The following PCDH15 variants were observed in gnomAD, a reference collection of about 807,000 sequenced individuals.
The protein encoded by PCDH15 is protocadherin related 15.
In PCDH15, 129 loss-of-function variants were observed where a neutral mutation model predicts 178.5. The observed-to-expected ratio is 0.72, with a 90% CI of 0.63 to 0.84. The LOEUF (loss-of-function observed/expected upper bound fraction) is 0.84, where lower values mean the gene tolerates loss of function less well. Ranked by LOEUF, PCDH15 falls within the 40% of genes least tolerant of loss-of-function variation. The pLI, the probability that PCDH15 is intolerant of heterozygous loss-of-function variation, is 0.00. For missense variants in PCDH15, 2,230 were observed against 2,099.9 expected, an observed-to-expected ratio of 1.06 and a Z score of -1.21; for synonymous variants, 800 against 732.0, an observed-to-expected ratio of 1.09 and a Z score of -1.50.
chr10:55,351,441 C>T lies in PCDH15; in HGVS notation c.-155-184790G>A, dbSNP rs565621979. On this transcript the variant is annotated intron_variant, in intron 2 of 5. Coordinates refer to the PCDH15 transcript ENST00000613346. ...AGTGGGACATAATCTGTGTTTTATG[C>T]AATTTCCATTATATCATTGTTGCTC... Among the ~76,000 whole-genome samples, 9 of 152,148 alleles carry T rather than the reference C, an allele frequency of 5.9e-5. No individual in the cohort carries two copies. In the South Asian group the frequency reaches 1.9e-3, roughly 32 times the overall value.
intron 2 of PCDH15, among the ~76,000 whole-genome samples, chr10:55,366,897 C>T (rs1319009245): frequency 2.7e-5 from 4 of 146,164 alleles, no homozygotes; most frequent in Non-Finnish European, 3.0e-5. Flanking sequence ...TGGGTGTTTG[C>T]ATGTGTGTGT....
chr10:54,651,530 C>T (rs115966569), intron 2 of PCDH15, among the ~76,000 whole-genome samples: 394 of 152,216 alleles, frequency 2.6e-3, no homozygotes, highest in African/African-American at 9.0e-3. Context: ...GCAAACTGGC[C>T]TTTAAATCCA....
intron 2 of PCDH15, among the ~76,000 whole-genome samples, chr10:55,161,460 C>T (rs2132113679): frequency 6.6e-6 from 1 of 152,180 alleles, no homozygotes; most frequent in South Asian, 2.1e-4. Context: ...AACCCAGCCA[C>T]ATATTTGTTT....
chr10:55,321,742 T>C (rs1024664485), upstream of PCDH15, among the ~76,000 whole-genome samples: 2 of 152,180 alleles, frequency 1.3e-5, no homozygotes, highest in African/African-American at 4.8e-5. Context: ...AAGAATTTCA[T>C]ATCCAGCCAA....
chr10:54,248,202 T>A (rs1204199803), intron 8 of PCDH15, among the ~76,000 whole-genome samples: 1 of 151,768 alleles, frequency 6.6e-6, no homozygotes, highest in Non-Finnish European at 1.5e-5. Context: ...CCATAGTTGA[T>A]CAAATAATTG....
chr10:54,311,262 A>T (rs2060886436), intron 8 of PCDH15, among the ~76,000 whole-genome samples: 1 of 152,106 alleles, frequency 6.6e-6, no homozygotes. Flanking sequence ...TACACAGTAA[A>T]CGCATAGAAA....
intron 3 of PCDH15, among the ~76,000 whole-genome samples, chr10:54,896,511 C>CG (rs1954547612): frequency 7.5e-5 from 5 of 66,554 alleles, no homozygotes; most frequent in East Asian, 9.3e-4. Flanking sequence ...AATTTCCCAG[C>CG]GGAAAAAAAA....
chr10:55,443,013 A>G (rs1447885238), intron 2 of PCDH15, among the ~76,000 whole-genome samples: 1 of 152,178 alleles, frequency 6.6e-6, no homozygotes, highest in East Asian at 1.9e-4. Context: ...TGGTAGTCAT[A>G]AATGAAAAGT....
Position 53,840,305 on chromosome 10 carries a change from A to T in PCDH15, c.3983+15T>A, listed in dbSNP as rs2077562633. On this transcript the variant is annotated intron_variant, in intron 29 of 37. Coordinates refer to ENST00000644397, the MANE Select transcript of PCDH15 (RefSeq NM_001384140.1). ...TGTAACCAAAGAGCTGTTACAGATA[A>T]CAAAAAGCACTTACTTAAAAAGCTC... 1 of 1,612,796 alleles carries T rather than the reference A, an allele frequency of 6.2e-7. No homozygotes were observed. The highest frequency in any genetic ancestry group is 1.3e-5 in the African/African-American group (1 of 75,030).
intron 1 of PCDH15, among the ~76,000 whole-genome samples, chr10:54,683,668 G>C (rs1429916780): frequency 6.6e-6 from 1 of 152,068 alleles, no homozygotes; most frequent in Non-Finnish European, 1.5e-5. Context: ...CCCTCTCAAA[G>C]TCAAACATTA....
At chr10:54,804,029 CT>C (rs1952733074), upstream of PCDH15, among the ~76,000 whole-genome samples, 1 of 151,788 alleles carries the variant, frequency 6.6e-6, no homozygotes, top group Non-Finnish European at 1.5e-5. Context: ...ACAAAATAAG[CT>C]GTCAAAAAAA....
At chr10:55,314,863 C>T (rs1029705337) in intron 1 of PCDH15, among the ~76,000 whole-genome samples, 7 of 152,084 alleles carry the variant, frequency 4.6e-5, no homozygotes, top group Non-Finnish European at 7.4e-5. Context: ...TCAGTGATGA[C>T]ATTCAGAGTG....
chr10:54,511,432 C>T (rs1214354513), intron 3 of PCDH15, among the ~76,000 whole-genome samples: 2 of 152,106 alleles, frequency 1.3e-5, no homozygotes, highest in African/African-American at 2.4e-5. Context: ...ATTCTTCACG[C>T]CTACCACCAG....
Position 54,714,571 on chromosome 10 carries a change from T to G in PCDH15, c.-28-50281A>C, listed in dbSNP as rs116289030. Among the ~76,000 whole-genome samples the G allele has an allele frequency of 4.3e-3, 658 of 152,266 alleles. 3 individuals are homozygous for G. The highest frequency in any genetic ancestry group is 0.015 in the African/African-American group (619 of 41,564). The stretch of plus-strand genomic sequence containing the variant: ...TAACTTTCAAAAAGATCCATTTGAT[T>G]CAATTTTTCTAAAGTACATAATAAA... On this transcript the variant is annotated intron_variant, in intron 1 of 37. Transcript: ENST00000644397.
At chr10:54,069,489 T>A (rs993087494) in intron 17 of PCDH15, among the ~76,000 whole-genome samples, 10 of 152,324 alleles carry the variant, frequency 6.6e-5, no homozygotes, top group African/African-American at 1.7e-4. Context: ...CTGAATTTTA[T>A]ATGACATGAA....
At chr10:55,396,112 T>A (rs1837923185) in intron 2 of PCDH15, among the ~76,000 whole-genome samples, 1 of 152,220 alleles carries the variant, frequency 6.6e-6, no homozygotes, top group African/African-American at 2.4e-5. Flanking sequence ...ATGTCTTTGG[T>A]ACTTAGCATA....
intron 13 of PCDH15, among the ~76,000 whole-genome samples, chr10:54,176,972 G>A (rs761451962): frequency 2.5e-4 from 38 of 151,130 alleles, no homozygotes; most frequent in Non-Finnish European, 4.6e-4. Flanking sequence ...AAAAAACTTA[G>A]CATGGATGAT....
intron 1 of PCDH15, among the ~76,000 whole-genome samples, chr10:54,796,319 T>TATCTATCTATCTATC (rs1564483816): frequency 1.4e-5 from 2 of 148,032 alleles, no homozygotes; most frequent in Admixed American, 6.7e-5. Flanking sequence ...TCTATCTATC[T>TATCTATCTATCTATC]ATCATCATCA....
intron 3 of PCDH15, among the ~76,000 whole-genome samples, chr10:54,821,688 G>A (rs1029680175): frequency 4.0e-5 from 6 of 151,876 alleles, no homozygotes; most frequent in African/African-American, 9.7e-5. Flanking sequence ...AAAGTAATCC[G>A]GTCTTCTGGC....
Sources: gnomAD v4.1 joint callset for allele counts (sites outside exome capture counted in the v4.1 genomes callset) on GRCh38, gnomAD v4.1.1 for gene constraint, MANE v1.5 for transcripts, NCBI Gene and HGNC (gene_info 2026-07-23, HGNC 2026-07-21) for gene names.